The following CCDC71L variants were observed in gnomAD, a reference collection of about 807,000 sequenced individuals.
CCDC71L encodes the protein coiled-coil domain-containing protein 71L.
CCDC71L carries 6 observed loss-of-function variants against 10.2 expected under a neutral mutation model. The ratio of observed to expected loss-of-function variants is 0.59; its 90% CI spans 0.32 to 1.16. CCDC71L has a LOEUF of 1.16. Among genes scored for constraint, CCDC71L ranks in the 50% most tolerant of loss-of-function variants. The pLI, the probability that CCDC71L is intolerant of heterozygous loss-of-function variation, is 0.05. For missense variants in CCDC71L, 366 were observed against 383.4 expected (o/e 0.95, Z 0.38); for synonymous variants, 204 against 175.5 (o/e 1.16, Z -1.28).
rs1792543164 is a variant in CCDC71L, at chr7:106,659,193, ATACAT to A, written c.*991_*995del. The A allele has an allele frequency of 6.6e-6, 1 of 152,050 alleles. No homozygotes were observed. Among genetic ancestry groups the A allele is most frequent in the African/African-American group, 2.4e-5 (1 of 41,404 alleles). The allele number at this position is 152,050 out of a possible 1,614,324, so 9.4% of individuals were successfully genotyped here. Reference sequence around the variant, plus strand: ...TTTTAAAATACATTATCCTTGTAAAATACATTACAAGGATAATGTATTTTAAAATA... The same window carrying A: ...TTTTAAAATACATTATCCTTGTAAAATACAAGGATAATGTATTTTAAAATA... On this transcript the variant is annotated 3_prime_UTR_variant, in exon 1 of 1. Coordinates refer to ENST00000523505, the MANE Select transcript of CCDC71L (RefSeq NM_175884.6).
chr7:106,660,771 G>A lies in CCDC71L; in HGVS notation c.126C>T (p.Tyr42=). 1 of 1,552,194 alleles carries A rather than the reference G, an allele frequency of 6.4e-7. No individual in the cohort carries two copies. The highest frequency in any genetic ancestry group is 1.2e-5 in the South Asian group (1 of 84,188). ...CAGCCAGCGACAGTTGCGACCGCGA[G>A]TACACCACCTTCTCCTCCCGCGCCT... The part of the protein sequence containing the change: ...GLEAREEKVV[Y]SRSQLSLADS... Residue 42 remains tyrosine (Y), a synonymous_variant, in exon 1 of 1, where the codon TAC becomes TAT. Transcript: ENST00000523505. The surrounding 1 kb of genome is among the most constrained non-coding windows in gnomAD (Gnocchi z 7.5).
chr7:106,660,761 G>C lies in CCDC71L; in HGVS notation c.136C>G (p.Gln46Glu). The change falls in exon 1 of 1, where the codon CAA (glutamine) becomes GAA (glutamate). Residue 46 changes from glutamine (Q) to glutamate (E), a missense_variant. Coordinates refer to ENST00000523505, the MANE Select transcript of CCDC71L (RefSeq NM_175884.6). The surrounding 1 kb of genome is among the most constrained non-coding windows in gnomAD (Gnocchi z 7.5). ...REEKVVYSRS[Q>E]LSLADSTKAL... ...TTGGTGCTGTCAGCCAGCGACAGTT[G>C]CGACCGCGAGTACACCACCTTCTCC... 1.3e-6 allele frequency: 2 copies of C among 1,556,006 alleles called. No individual in the cohort carries two copies. The highest frequency in any genetic ancestry group is 1.7e-6 in the Non-Finnish European group (2 of 1,149,940).
chr7:106,660,863 G>T lies in CCDC71L; in HGVS notation c.34C>A (p.Arg12Ser). 6.8e-7 allele frequency: 1 copy of T among 1,463,528 alleles called. No individual in the cohort carries two copies. The highest frequency in any genetic ancestry group is 2.7e-5 in the East Asian group (1 of 36,824). 90.7% of individuals were successfully genotyped at this position (1,463,528 alleles called of 1,614,324 possible). The change falls in exon 1 of 1, where the codon CGC becomes AGC. Residue 12 changes from arginine to serine, a missense_variant. Transcript: ENST00000523505. The surrounding 1 kb of genome is among the most constrained non-coding windows in gnomAD (Gnocchi z 7.5). ...GCGGCCGTGGCCGGGGCGACCGGGCGCCGGCGCCGCCGCCTCTTCATACTG... is the reference window on the plus strand; with the variant it reads ...GCGGCCGTGGCCGGGGCGACCGGGCTCCGGCGCCGCCGCCTCTTCATACTG... ...RRSMKRRRRR[R>S]PVAPATAARG... is the part of the protein sequence containing the mutation.
At position 106,655,518 on chromosome 7, in the gene CCDC71L, T is replaced by C. The variant is rs1236365311; in HGVS notation, c.*4671A>G. 6.6e-6 allele frequency among the ~76,000 whole-genome samples: 1 copy of C among 152,206 alleles called. No individual in the cohort carries two copies. Among genetic ancestry groups the C allele is most frequent in the Non-Finnish European group, 1.5e-5 (1 of 68,032 alleles). ...AAACTTTATACAAACTATAGCTTGG[T>C]TCTATGCATATAAATTAACATCATT... On this transcript the variant is annotated 3_prime_UTR_variant, in exon 1 of 1. Transcript: ENST00000523505.
At position 106,660,774 on chromosome 7, in the gene CCDC71L, C is replaced by T; in HGVS notation, c.123G>A (p.Val41=). 1 of 1,551,182 alleles carries T rather than the reference C, an allele frequency of 6.4e-7. No individual in the cohort carries two copies. The highest frequency in any genetic ancestry group is 8.7e-7 in the Non-Finnish European group (1 of 1,147,340). ...CCAGCGACAGTTGCGACCGCGAGTA[C>T]ACCACCTTCTCCTCCCGCGCCTCCA... The part of the protein sequence containing the change: ...AGLEAREEKV[V]YSRSQLSLAD... The change falls in exon 1 of 1, where the codon GTG becomes GTA. Residue 41 remains valine (V), a synonymous_variant. Coordinates refer to ENST00000523505, the MANE Select transcript of CCDC71L (RefSeq NM_175884.6). The surrounding 1 kb of genome is among the most constrained non-coding windows in gnomAD (Gnocchi z 7.5).
chr7:106,659,991 C>A lies in CCDC71L; in HGVS notation c.*198G>T. On this transcript the variant is annotated 3_prime_UTR_variant, in exon 1 of 1. Transcript: ENST00000523505. ...GGTACGGGAGGCAGCAGAGGGCACA[C>A]CTGCCCCAGCGTCCAAGACGACCGC... 8 of 728,168 alleles carry A rather than the reference C, an allele frequency of 1.1e-5. No homozygotes were observed. The highest frequency in any genetic ancestry group is 1.7e-5 in the Non-Finnish European group (8 of 484,638). The allele number at this position is 728,168 out of a possible 1,614,324, so 45.1% of individuals were successfully genotyped here. A position where few individuals can be genotyped will look rare whatever the true frequency, so the allele number is the denominator to read the frequency against.
chr7:106,658,958 A>G lies in CCDC71L; in HGVS notation c.*1231T>C, dbSNP rs2190093. The G allele has an allele frequency of 0.15, 22,924 of 152,188 alleles. 2,375 individuals carry two copies. The highest frequency in any genetic ancestry group is 0.53 in the East Asian group (2,734 of 5,156). The allele number at this position is 152,188 out of a possible 1,614,324, so 9.4% of individuals were successfully genotyped here. ...AATTTTCATTATGTTTGTAAAACTG[A>G]TGAATATTAGTCTAGACATTTCTTG... On this transcript the variant is annotated 3_prime_UTR_variant, in exon 1 of 1. Coordinates refer to ENST00000523505, the MANE Select transcript of CCDC71L (RefSeq NM_175884.6).
chr7:106,660,451 G>T lies in CCDC71L; in HGVS notation c.446C>A (p.Pro149Gln), dbSNP rs1359794177. The T allele has an allele frequency of 7.2e-5, 88 of 1,228,418 alleles. No individual in the cohort carries two copies. Among genetic ancestry groups the T allele is most frequent in the Non-Finnish European group, 8.7e-5 (86 of 986,600 alleles). The allele number at this position is 1,228,418 out of a possible 1,614,324, so 76.1% of individuals were successfully genotyped here. A position where few individuals can be genotyped will look rare whatever the true frequency, so the allele number is the denominator to read the frequency against. Reference protein sequence around the residue: ...AAAARRRKPRPPPPPPPPPEE... With the variant: ...AAAARRRKPRQPPPPPPPPEE... Reference sequence around the variant, plus strand: ...GGGGGGCGGCGGCGGTGGGGGTGGCGGCCGGGGCTTCCTCCTGCGGGCAGC... The same window carrying T: ...GGGGGGCGGCGGCGGTGGGGGTGGCTGCCGGGGCTTCCTCCTGCGGGCAGC... The change falls in exon 1 of 1, where the codon CCG (proline) becomes CAG (glutamine). Residue 149 changes from proline (P) to glutamine (Q), a missense_variant. Physicochemically the swap from Pro to Gln is moderately conservative, Grantham distance 76 (BLOSUM62 -1). Transcript: ENST00000523505. The surrounding 1 kb of genome is among the most constrained non-coding windows in gnomAD (Gnocchi z 7.5).
rs1272242367 is a variant in CCDC71L at position 106,659,258 on chromosome 7, G to T, written c.*931C>A. ...ATAATATTCCTAGATTTGTATGTTA[G>T]ACCAGGACAGGGGGCCAAATCATCT... On this transcript the variant is annotated 3_prime_UTR_variant, in exon 1 of 1. Coordinates refer to ENST00000523505, the MANE Select transcript of CCDC71L (RefSeq NM_175884.6). 1 of 152,046 alleles carries T rather than the reference G, an allele frequency of 6.6e-6. No individual in the cohort carries two copies. Among genetic ancestry groups the T allele is most frequent in the African/African-American group, 2.4e-5 (1 of 41,372 alleles). 9.4% of individuals were successfully genotyped at this position (152,046 alleles called of 1,614,324 possible).
At position 106,661,121 on chromosome 7, in the gene CCDC71L, C is replaced by T. The variant is rs969489070; in HGVS notation, c.-225G>A. Reference sequence around the variant, plus strand: ...ACCCCTGGGCTTTGTCATTGGACGGCGCCTCGCCCCCCTGGTTTCTCTTTC... The same window carrying T: ...ACCCCTGGGCTTTGTCATTGGACGGTGCCTCGCCCCCCTGGTTTCTCTTTC... On this transcript the variant is annotated 5_prime_UTR_variant, in exon 1 of 1. Transcript: ENST00000523505. The T allele has an allele frequency of 6.1e-6, 3 of 494,366 alleles. No homozygotes were observed. Among genetic ancestry groups the T allele is most frequent in the Admixed American group, 4.6e-5 (1 of 21,886 alleles). The allele number at this position is 494,366 out of a possible 1,614,324, so 30.6% of individuals were successfully genotyped here.
rs965303423 is a variant in CCDC71L, at chr7:106,657,319, A to G, written c.*2870T>C. ...AAAAATGACATCAAGAATCTCAAAA[A>G]GTTATGTGAGGTGCCGGTCACCACA... On this transcript the variant is annotated 3_prime_UTR_variant, in exon 1 of 1. Coordinates refer to ENST00000523505, the MANE Select transcript of CCDC71L (RefSeq NM_175884.6). 2.6e-5 allele frequency: 4 copies of G among 152,218 alleles called. No homozygotes were observed. Among genetic ancestry groups the G allele is most frequent in the Non-Finnish European group, 5.9e-5 (4 of 68,024 alleles). 9.4% of individuals were successfully genotyped at this position (152,218 alleles called of 1,614,324 possible). A position where few individuals can be genotyped will look rare whatever the true frequency, so the allele number is the denominator to read the frequency against.
In CCDC71L at chr7:106,659,954, C is replaced by T. The variant is rs1279804926; in HGVS notation, c.*235G>A. 2 of 532,250 alleles carry T rather than the reference C, an allele frequency of 3.8e-6. No homozygotes were observed. Among genetic ancestry groups the T allele is most frequent in the African/African-American group, 4.0e-5 (2 of 49,656 alleles). The allele number at this position is 532,250 out of a possible 1,614,324, so 33.0% of individuals were successfully genotyped here. A position where few individuals can be genotyped will look rare whatever the true frequency, so the allele number is the denominator to read the frequency against. ...CCCTGCGGGTCCAGCTGTCCCCTCC[C>T]TCCGCAGGCCGGGTACGGGAGGCAG... On this transcript the variant is annotated 3_prime_UTR_variant, in exon 1 of 1. Transcript: ENST00000523505.
At position 106,660,048 on chromosome 7, in the gene CCDC71L, C is replaced by T. The variant is rs891587085; in HGVS notation, c.*141G>A. The T allele has an allele frequency of 8.5e-7, 1 of 1,182,858 alleles. No homozygotes were observed. Among genetic ancestry groups the T allele is most frequent in the Admixed American group, 3.9e-5 (1 of 25,576 alleles). The allele number at this position is 1,182,858 out of a possible 1,614,324, so 73.3% of individuals were successfully genotyped here. ...GCCCGGGACAGGGACAACCATCCGGCAACTTCTTCGCGCGTAAAGTGCATT... is the reference window on the plus strand; with the variant it reads ...GCCCGGGACAGGGACAACCATCCGGTAACTTCTTCGCGCGTAAAGTGCATT... On this transcript the variant is annotated 3_prime_UTR_variant, in exon 1 of 1. Transcript: ENST00000523505. The surrounding 1 kb of genome is among the most constrained non-coding windows in gnomAD (Gnocchi z 7.5).
rs1398377265 is a variant in CCDC71L, at chr7:106,659,122, T to C, written c.*1067A>G. 2 of 152,174 alleles carry C rather than the reference T, an allele frequency of 1.3e-5. No homozygotes were observed. Among genetic ancestry groups the C allele is most frequent in the Admixed American group, 6.5e-5 (1 of 15,284 alleles). The allele number at this position is 152,174 out of a possible 1,614,324, so 9.4% of individuals were successfully genotyped here. ...TCTAATGGGTATTCTGTTTATCATT[T>C]TAGTGATAATGTTTACACACATCCA... is the stretch of plus-strand genomic sequence containing the variant. On this transcript the variant is annotated 3_prime_UTR_variant, in exon 1 of 1. Coordinates refer to ENST00000523505, the MANE Select transcript of CCDC71L (RefSeq NM_175884.6).
In CCDC71L at chr7:106,660,532, CGCGCCT is replaced by C. The variant is rs778604945; in HGVS notation, c.359_364del (p.Gln120_Ala121del). 9.5e-5 allele frequency: 138 copies of C among 1,457,328 alleles called. No individual in the cohort carries two copies. The African/African-American group carries it at 1.9e-3, about 20-fold the overall frequency. 90.3% of individuals were successfully genotyped at this position (1,457,328 alleles called of 1,614,324 possible). On this transcript the variant is annotated inframe_deletion, in exon 1 of 1. Coordinates refer to ENST00000523505, the MANE Select transcript of CCDC71L (RefSeq NM_175884.6). The surrounding 1 kb of genome is among the most constrained non-coding windows in gnomAD (Gnocchi z 7.5). ...GGCCGCTGCGCGCGGAACCGGCCGG[CGCGCCT>C]GGCCGCGGGCTGTAGGGGGCCCCGG... is the stretch of plus-strand genomic sequence containing the variant.
Position 106,660,834 on chromosome 7 carries a change from C to G in CCDC71L, c.63G>C (p.Arg21=), listed in dbSNP as rs2116105991. ...CGTCTTCTGCCCTAAAGTCGCCGCCCCGGGCGGCCGTGGCCGGGGCGACCG... is the reference window on the plus strand; with the variant it reads ...CGTCTTCTGCCCTAAAGTCGCCGCCGCGGGCGGCCGTGGCCGGGGCGACCG... ...RRPVAPATAA[R]GGDFRAEDGA... is the part of the protein sequence containing the mutation. Residue 21 remains arginine, a synonymous_variant, in exon 1 of 1, where the codon CGG becomes CGC. Transcript: ENST00000523505. This position sits in a 1 kb window ranked among gnomAD's most constrained non-coding sequence, Gnocchi z 7.5. The G allele has an allele frequency of 6.6e-7, 1 of 1,525,782 alleles. No homozygotes were observed. Among genetic ancestry groups the G allele is most frequent in the South Asian group, 1.2e-5 (1 of 81,856 alleles). 94.5% of individuals were successfully genotyped at this position (1,525,782 alleles called of 1,614,324 possible). A position where few individuals can be genotyped will look rare whatever the true frequency, so the allele number is the denominator to read the frequency against.
Position 106,656,462 on chromosome 7 carries a change from G to A in CCDC71L, c.*3727C>T, listed in dbSNP as rs987139622. Among the ~76,000 whole-genome samples, 1 of 151,968 alleles carries A rather than the reference G, an allele frequency of 6.6e-6. No homozygotes were observed. Among genetic ancestry groups the A allele is most frequent in the African/African-American group, 2.4e-5 (1 of 41,384 alleles). On this transcript the variant is annotated 3_prime_UTR_variant, in exon 1 of 1. Transcript: ENST00000523505. Reference sequence around the variant, plus strand: ...TTTGTCATCGTCACAGGGGCACCTCGGGTCAGGATTTAGAGAATTCTGAAT... The same window carrying A: ...TTTGTCATCGTCACAGGGGCACCTCAGGTCAGGATTTAGAGAATTCTGAAT...
In CCDC71L at chr7:106,659,075, G is replaced by A. The variant is rs1209155779; in HGVS notation, c.*1114C>T. The A allele has an allele frequency of 1.3e-5, 2 of 152,008 alleles. No homozygotes were observed. The highest frequency in any genetic ancestry group is 1.9e-4 in the East Asian group (1 of 5,198). The allele number at this position is 152,008 out of a possible 1,614,324, so 9.4% of individuals were successfully genotyped here. A position where few individuals can be genotyped will look rare whatever the true frequency, so the allele number is the denominator to read the frequency against. On this transcript the variant is annotated 3_prime_UTR_variant, in exon 1 of 1. Coordinates refer to ENST00000523505, the MANE Select transcript of CCDC71L (RefSeq NM_175884.6). Reference sequence around the variant, plus strand: ...ACCAAGAAATGCCTCCACCCCTCTTGATCATTAATAGTTCTAAGAATTCTA... The same window carrying A: ...ACCAAGAAATGCCTCCACCCCTCTTAATCATTAATAGTTCTAAGAATTCTA...
At position 106,660,699 on chromosome 7, in the gene CCDC71L, G is replaced by T; in HGVS notation, c.198C>A (p.Arg66=). The T allele has an allele frequency of 6.3e-7, 1 of 1,584,328 alleles. No homozygotes were observed. The highest frequency in any genetic ancestry group is 1.2e-5 in the South Asian group (1 of 86,574). The change falls in exon 1 of 1, where the codon CGC becomes CGA. Residue 66 remains arginine (R), a synonymous_variant. Coordinates refer to ENST00000523505, the MANE Select transcript of CCDC71L (RefSeq NM_175884.6). This position sits in a 1 kb window ranked among gnomAD's most constrained non-coding sequence, Gnocchi z 7.5. ...LGDAFKLFMP[R]STEFMSSDAE... is the part of the protein sequence containing the mutation. ...CGTCCGAGCTCATGAACTCCGTGCT[G>T]CGGGGCATGAAGAGCTTGAAGGCGT...
Sources: allele counts gnomAD v4.1 joint callset (sites outside exome capture counted in the v4.1 genomes callset), GRCh38; gene constraint gnomAD v4.1.1; non-coding constraint Gnocchi (gnomAD v3.1); transcripts MANE v1.5; gene names NCBI Gene and HGNC (gene_info 2026-07-23, HGNC 2026-07-21).